CADM2: variants seen among roughly 807,000 people sequenced by gnomAD.
The protein encoded by CADM2 is immunoglobulin superfamily member 4D.
CADM2 carries 12 observed loss-of-function variants against 49.8 expected under a neutral mutation model. The observed-to-expected ratio is 0.24, with a 90% CI of 0.15 to 0.39. CADM2 has a LOEUF of 0.39. CADM2 is among the 10% of genes least tolerant of loss of function. CADM2 has a pLI of 1.00. For missense variants in CADM2, 378 were observed against 492.3 expected, an observed-to-expected ratio of 0.77 and a Z score of 2.20; for synonymous variants, 214 against 175.4, an observed-to-expected ratio of 1.22 and a Z score of -1.74.
chr3:85,128,727 A>G (rs1575935366), intron 1 of CADM2, among the ~76,000 whole-genome samples: 1 of 152,184 alleles, frequency 6.6e-6, no homozygotes, highest in South Asian at 2.1e-4. Flanking sequence ...TACCTATGGG[A>G]CAGGTTAAAT....
chr3:85,885,426 A>G (rs1713462515), intron 4 of CADM2, among the ~76,000 whole-genome samples: 1 of 151,590 alleles, frequency 6.6e-6, no homozygotes, highest in Non-Finnish European at 1.5e-5. Flanking sequence ...TAATCCCAGC[A>G]CTTTGGGAGG....
chr3:85,942,277 G>A (rs1014635673), intron 7 of CADM2, among the ~76,000 whole-genome samples: 2 of 152,008 alleles, frequency 1.3e-5, no homozygotes, highest in African/African-American at 2.4e-5. Flanking sequence ...CACTAAACAT[G>A]GACAAGAACA....
In CADM2 at chr3:85,855,573, A is replaced by G. The variant is rs552079427; in HGVS notation, c.239-27718A>G. Among the ~76,000 whole-genome samples the G allele has an allele frequency of 1.0e-3, 145 of 138,980 alleles. 2 individuals carry two copies. Among genetic ancestry groups the G allele is most frequent in the Non-Finnish European group, 1.9e-3 (124 of 64,406 alleles). 91.2% of individuals were successfully genotyped at this position (138,980 alleles called of 152,430 possible). ...TATTTTTATATATTTATATTTATAT[A>G]TATATAAAAAACATATATATATATA... is the stretch of plus-strand genomic sequence containing the variant. On this transcript the variant is annotated intron_variant, in intron 3 of 9. Transcript: ENST00000383699.
At position 85,448,894 on chromosome 3, in the gene CADM2, C is replaced by CA. The variant is rs574625628; in HGVS notation, c.62-277622dup. On this transcript the variant is annotated intron_variant, in intron 1 of 9. Coordinates refer to ENST00000383699, the MANE Select transcript of CADM2 (RefSeq NM_001167675.2). ...TGAAACCCCGCCTCTACTAAAAATA[C>CA]AAAAAATTAGCTGGGGATGGTGGTG... Among the ~76,000 whole-genome samples the CA allele has an allele frequency of 3.2e-4, 48 of 151,522 alleles. 1 individual carries two copies. The East Asian group carries it at 8.4e-3, about 26-fold the overall frequency.
chr3:85,775,070 G>A (rs1432578693), intron 2 of CADM2, among the ~76,000 whole-genome samples: 1 of 151,594 alleles, frequency 6.6e-6, no homozygotes, highest in Non-Finnish European at 1.5e-5. Flanking sequence ...CTTTTATCAT[G>A]TGATTTTCAT....
intron 3 of CADM2, among the ~76,000 whole-genome samples, chr3:85,871,673 G>A (rs978040631): frequency 2.6e-5 from 4 of 152,070 alleles, no homozygotes; most frequent in East Asian, 3.9e-4. Context: ...GTCAGATAGT[G>A]CATACTCCAT....
chr3:85,354,956 G>A (rs889699430), intron 1 of CADM2, among the ~76,000 whole-genome samples: 3 of 152,056 alleles, frequency 2.0e-5, no homozygotes, highest in Non-Finnish European at 4.4e-5. Context: ...TTGTCTTCAC[G>A]GAAACCCATG....
chr3:85,587,832 C>T (rs1465734924), intron 1 of CADM2, among the ~76,000 whole-genome samples: 1 of 151,928 alleles, frequency 6.6e-6, no homozygotes, highest in Non-Finnish European at 1.5e-5. Context: ...GCAGCCTCAA[C>T]CCCCAGTACT....
At chr3:85,272,421 A>C (rs1319464579) in intron 1 of CADM2, among the ~76,000 whole-genome samples, 4 of 151,322 alleles carry the variant, frequency 2.6e-5, no homozygotes, top group Non-Finnish European at 5.9e-5. Flanking sequence ...ATTCTGAAAA[A>C]GAAAAAAAGA....
chr3:85,700,931 C>G (rs2066733547), intron 1 of CADM2, among the ~76,000 whole-genome samples: 1 of 152,142 alleles, frequency 6.6e-6, no homozygotes, highest in Non-Finnish European at 1.5e-5. Context: ...ATCTTTAGAG[C>G]AATTACCCAC....
At chr3:85,563,803 G>A (rs1463944802) in intron 1 of CADM2, among the ~76,000 whole-genome samples, 4 of 152,106 alleles carry the variant, frequency 2.6e-5, no homozygotes, top group Admixed American at 2.6e-4. Context: ...TGATTGTTCT[G>A]AAAGGACTAT....
chr3:85,005,399 C>G (rs569664829), intron 1 of CADM2, among the ~76,000 whole-genome samples: 2 of 152,118 alleles, frequency 1.3e-5, no homozygotes, highest in Non-Finnish European at 2.9e-5. Flanking sequence ...CATGGTACAT[C>G]AGCTTCACTA....
At chr3:85,141,275 T>A (rs780092415) in intron 1 of CADM2, among the ~76,000 whole-genome samples, 1 of 152,208 alleles carries the variant, frequency 6.6e-6, no homozygotes, top group Non-Finnish European at 1.5e-5. Context: ...GCAAATTACT[T>A]AAACTGTTTA....
At chr3:85,261,961 C>T (rs747767834) in intron 1 of CADM2, among the ~76,000 whole-genome samples, 1 of 152,030 alleles carries the variant, frequency 6.6e-6, no homozygotes, top group Non-Finnish European at 1.5e-5. Flanking sequence ...TCATGTTACA[C>T]TCAATAATTC....
intron 1 of CADM2, among the ~76,000 whole-genome samples, chr3:85,518,491 T>G (rs1036773669): frequency 1.3e-5 from 2 of 152,000 alleles, no homozygotes; most frequent in Admixed American, 1.3e-4. Flanking sequence ...AGCTCTCCAC[T>G]GCCAGGTAAC....
intron 8 of CADM2, among the ~76,000 whole-genome samples, chr3:85,998,652 C>T (rs1729735319): frequency 6.6e-6 from 1 of 151,878 alleles, no homozygotes. Flanking sequence ...AGTTTAGAGC[C>T]TATTCAGGAA....
chr3:85,715,737 T>C (rs776465412), intron 1 of CADM2, among the ~76,000 whole-genome samples: 2 of 152,304 alleles, frequency 1.3e-5, no homozygotes, highest in African/African-American at 4.8e-5. Flanking sequence ...CTCCCACTTA[T>C]GAGTGAGAAC....
At chr3:85,243,579 G>A (rs1559739583) in intron 1 of CADM2, among the ~76,000 whole-genome samples, 1 of 151,948 alleles carries the variant, frequency 6.6e-6, no homozygotes, top group African/African-American at 2.4e-5. Context: ...ACGTAATTTT[G>A]CATGCATTAT....
rs184443963 is a variant in CADM2 at position 85,552,104 on chromosome 3, G to A, written c.62-174418G>A. Among the ~76,000 whole-genome samples, 11 of 152,038 alleles carry A rather than the reference G, an allele frequency of 7.2e-5. No individual in the cohort carries two copies. In the South Asian group the frequency reaches 1.2e-3, roughly 17 times the overall value. ...AGAAAAGGGGCCTGGCTAAATAAAC[G>A]TCATTTCTGGGATTCTAAAACTTTA... On this transcript the variant is annotated intron_variant, in intron 1 of 9. Coordinates refer to ENST00000383699, the MANE Select transcript of CADM2 (RefSeq NM_001167675.2).
Sources: gnomAD v4.1 joint callset for allele counts (sites outside exome capture counted in the v4.1 genomes callset) on GRCh38, gnomAD v4.1.1 for gene constraint, MANE v1.5 for transcripts, NCBI Gene and HGNC (gene_info 2026-07-23, HGNC 2026-07-21) for gene names.